Variants in ADNP2 observed in about 807,000 individuals in gnomAD.
ADNP2 encodes the protein activity-dependent neuroprotector homeobox protein 2.
Under a neutral mutation model 16.4 loss-of-function variants are expected in ADNP2, and 8 were observed. The observed-to-expected ratio is 0.49, with a 90% CI of 0.29 to 0.88. ADNP2 has a LOEUF of 0.88. ADNP2 is among the 40% of genes least tolerant of loss of function. ADNP2 has a pLI of 0.09. For missense variants in ADNP2, 1,397 were observed against 1,395.1 expected (o/e 1.00, Z -0.02); for synonymous variants, 637 against 545.8 (o/e 1.17, Z -2.33).
chr18:80,126,192 ACTT>A (rs1300255162), intron 2 of ADNP2, among the ~76,000 whole-genome samples: 11 of 151,624 alleles, frequency 7.3e-5, no homozygotes, highest in South Asian at 6.3e-4. Flanking sequence ...ATATACTACT[ACTT>A]CTTCTACAGT....
At chr18:80,112,585 A>C (rs903567888) in intron 1 of ADNP2, among the ~76,000 whole-genome samples, 10 of 152,180 alleles carry the variant, frequency 6.6e-5, no homozygotes, top group Non-Finnish European at 1.5e-4. Flanking sequence ...CTATTTTTCA[A>C]ATTCAAGGGA....
At chr18:80,110,264 C>T (rs1393473337) in intron 1 of ADNP2, among the ~76,000 whole-genome samples, 10 of 152,100 alleles carry the variant, frequency 6.6e-5, no homozygotes, top group African/African-American at 1.9e-4. Context: ...TTTTAACTGC[C>T]CTTTTAAATA....
chr18:80,131,627 A>T (rs911320008), intron 2 of ADNP2, among the ~76,000 whole-genome samples: 1 of 150,552 alleles, frequency 6.6e-6, no homozygotes, highest in African/African-American at 2.5e-5. Context: ...CACAACGTGC[A>T]GGTTTGTTGC....
chr18:80,131,637 C>T (rs1184619639), intron 2 of ADNP2, among the ~76,000 whole-genome samples: 2 of 149,040 alleles, frequency 1.3e-5, no homozygotes, highest in African/African-American at 5.0e-5. Flanking sequence ...AGGTTTGTTG[C>T]ATATGTATAC....
At chr18:80,131,603 C>G (rs113668477) in intron 2 of ADNP2, among the ~76,000 whole-genome samples, 3 of 140,796 alleles carry the variant, frequency 2.1e-5, no homozygotes, top group South Asian at 2.2e-4. Flanking sequence ...ACTTTAAGTT[C>G]TAGGGTACAT....
chr18:80,120,027 G>T (rs968658671), intron 2 of ADNP2, among the ~76,000 whole-genome samples: 10 of 152,160 alleles, frequency 6.6e-5, no homozygotes, highest in Non-Finnish European at 1.5e-5. Context: ...TGGTTATAGG[G>T]GTGGGGACTG....
intron 1 of ADNP2, among the ~76,000 whole-genome samples, chr18:80,110,455 C>T (rs2052350594): frequency 6.6e-6 from 1 of 152,008 alleles, no homozygotes; most frequent in Admixed American, 6.6e-5. Flanking sequence ...AAGCAGGTAA[C>T]TGACAATGCA....
chr18:80,115,725 G>T (rs139175192), intron 1 of ADNP2, among the ~76,000 whole-genome samples: 40 of 152,244 alleles, frequency 2.6e-4, no homozygotes, highest in African/African-American at 8.7e-4. Flanking sequence ...TCAGAACGAA[G>T]AAGCCCTGCT....
intron 1 of ADNP2, among the ~76,000 whole-genome samples, chr18:80,111,366 C>T (rs2052355800): frequency 6.6e-6 from 1 of 152,102 alleles, no homozygotes; most frequent in Non-Finnish European, 1.5e-5. Flanking sequence ...CCCTGTTTTA[C>T]AGAAGAGCCA....
chr18:80,129,472 T>C lies in ADNP2; in HGVS notation c.109-3631T>C, dbSNP rs114983377. Among the ~76,000 whole-genome samples, 1,071 of 152,286 alleles carry C rather than the reference T, an allele frequency of 7.0e-3. 14 individuals carry two copies. The highest frequency in any genetic ancestry group is 0.025 in the African/African-American group (1,021 of 41,558). On this transcript the variant is annotated intron_variant, in intron 2 of 3. Transcript: ENST00000262198. ...TGTGGACCCTGTTACATCTAGTGGTTGGGTTTGCAGTGCTTTCCCTGACTG... is the reference window on the plus strand; with the variant it reads ...TGTGGACCCTGTTACATCTAGTGGTCGGGTTTGCAGTGCTTTCCCTGACTG...
In ADNP2 at chr18:80,121,746, T is replaced by A. The variant is rs555342949; in HGVS notation, c.108+4096T>A. Among the ~76,000 whole-genome samples the A allele has an allele frequency of 2.6e-5, 4 of 152,338 alleles. No individual in the cohort carries two copies. The East Asian group carries it at 7.7e-4, about 29-fold the overall frequency. ...AGGAGTCCGGTTTCATTCTCTTACA[T>A]GTAGATAGAAATTCAGTCGTTTCAG... On this transcript the variant is annotated intron_variant, in intron 2 of 3. Coordinates refer to ENST00000262198, the MANE Select transcript of ADNP2 (RefSeq NM_014913.4).
chr18:80,128,163 A>G (rs2052472688), intron 2 of ADNP2, among the ~76,000 whole-genome samples: 1 of 152,086 alleles, frequency 6.6e-6, no homozygotes, highest in South Asian at 2.1e-4. Flanking sequence ...GCATCTTTTA[A>G]TTGGGCTTAG....
At position 80,139,526 on chromosome 18, in the gene ADNP2, A is replaced by G. The variant is rs1424660285; in HGVS notation, c.*717A>G. The G allele has an allele frequency of 6.6e-6, 1 of 152,524 alleles. No individual in the cohort carries two copies. Among genetic ancestry groups the G allele is most frequent in the Non-Finnish European group, 1.5e-5 (1 of 68,016 alleles). The allele number at this position is 152,524 out of a possible 1,614,324, so 9.4% of individuals were successfully genotyped here. ...CAAGAGTTATTTTACAAATAAATTT[A>G]TTCTGTAGATGCAGAAATATTTTTC... is the stretch of plus-strand genomic sequence containing the variant. On this transcript the variant is annotated 3_prime_UTR_variant, in exon 4 of 4. Transcript: ENST00000262198.
intron 1 of ADNP2, among the ~76,000 whole-genome samples, chr18:80,116,783 G>A (rs1007826838): frequency 2.6e-5 from 4 of 152,108 alleles, no homozygotes; most frequent in African/African-American, 4.8e-5. Flanking sequence ...CTACAGGTGC[G>A]CACCAGGATG....
At chr18:80,116,349 C>CT (rs2052389252) in intron 1 of ADNP2, among the ~76,000 whole-genome samples, 1 of 152,086 alleles carries the variant, frequency 6.6e-6, no homozygotes, top group Non-Finnish European at 1.5e-5. Context: ...CATGAACATC[C>CT]TTATATAAGT....
chr18:80,113,368 C>A (rs533316713), intron 1 of ADNP2, among the ~76,000 whole-genome samples: 1 of 152,262 alleles, frequency 6.6e-6, no homozygotes, highest in South Asian at 2.1e-4. Context: ...TTGCTTGTTA[C>A]CCACCAAAAA....
chr18:80,112,388 T>G (rs1599801107), intron 1 of ADNP2, among the ~76,000 whole-genome samples: 1 of 152,184 alleles, frequency 6.6e-6, no homozygotes, highest in African/African-American at 2.4e-5. Flanking sequence ...CATTTTATTT[T>G]TTATCCTTTG....
At chr18:80,122,739 A>G (rs185872040) in intron 2 of ADNP2, among the ~76,000 whole-genome samples, 1 of 152,302 alleles carries the variant, frequency 6.6e-6, no homozygotes, top group East Asian at 1.9e-4. Flanking sequence ...GGGATTTTCT[A>G]TATGTAGAAT....
chr18:80,128,417 C>T (rs569439581), intron 2 of ADNP2, among the ~76,000 whole-genome samples: 85 of 152,200 alleles, frequency 5.6e-4, no homozygotes, highest in African/African-American at 1.9e-3. Flanking sequence ...TTTGGGAGGC[C>T]GAGGTGGATG....
Sources: allele counts gnomAD v4.1 joint callset (sites outside exome capture counted in the v4.1 genomes callset), GRCh38; gene constraint gnomAD v4.1.1; transcripts MANE v1.5; gene names NCBI Gene and HGNC (gene_info 2026-07-23, HGNC 2026-07-21).